CSGALNACT1: variants seen among roughly 807,000 people sequenced by gnomAD.
The protein encoded by CSGALNACT1 is chondroitin sulfate N-acetylgalactosaminyltransferase 1, also known as beta4GalNAcT-1.
Under a neutral mutation model 51.0 loss-of-function variants are expected in CSGALNACT1, and 52 were observed. The ratio of observed to expected loss-of-function variants is 1.02; its 90% CI spans 0.82 to 1.29. The LOEUF is 1.29. CSGALNACT1 is among the 50% of genes most tolerant of loss of function. The probability of loss-of-function intolerance (pLI) is 0.00; values close to 1 mark genes in which losing one functional copy is unlikely to be tolerated. For synonymous variants in CSGALNACT1, 341 were observed against 254.4 expected, an observed-to-expected ratio of 1.34 and a Z score of -3.24; for missense variants, 935 against 679.2, an observed-to-expected ratio of 1.38 and a Z score of -4.19.
At chr8:19,600,690 T>G (rs1163943304) in intron 2 of CSGALNACT1, among the ~76,000 whole-genome samples, 1 of 152,120 alleles carries the variant, frequency 6.6e-6, no homozygotes, top group Non-Finnish European at 1.5e-5. Context: ...TTTTTTCTAT[T>G]GTTAGTAACT....
chr8:19,668,078 A>G (rs1043738097), intron 1 of CSGALNACT1, among the ~76,000 whole-genome samples: 1 of 152,232 alleles, frequency 6.6e-6, no homozygotes, highest in African/African-American at 2.4e-5. Flanking sequence ...TTTTCCAGAG[A>G]GAGAAATACA....
At chr8:19,751,518 C>T (rs11204068) in intron 1 of CSGALNACT1, among the ~76,000 whole-genome samples, 35,988 of 151,972 alleles carry the variant, frequency 0.24, 4,488 homozygotes, top group African/African-American at 0.3. Context: ...CAGATTATTG[C>T]GACTACTAGA....
chr8:19,681,103 T>C (rs543503576), intron 1 of CSGALNACT1, among the ~76,000 whole-genome samples: 108 of 152,192 alleles, frequency 7.1e-4, no homozygotes, highest in African/African-American at 1.2e-3. Context: ...ACCAATCCCC[T>C]GAAGATATGA....
At chr8:19,491,085 GA>G (rs33960553) in intron 4 of CSGALNACT1, among the ~76,000 whole-genome samples, 89,651 of 146,820 alleles carry the variant, frequency 0.61, 26,964 homozygotes, top group East Asian at 0.83. Context: ...TACCACTCAG[GA>G]AAAAAAAAAA....
intron 4 of CSGALNACT1, among the ~76,000 whole-genome samples, chr8:19,492,044 G>A (rs1454524274): frequency 6.6e-6 from 1 of 152,164 alleles, no homozygotes; most frequent in African/African-American, 2.4e-5. Context: ...AACTTAAGTA[G>A]GTTCAGCCAT....
intron 3 of CSGALNACT1, among the ~76,000 whole-genome samples, chr8:19,510,223 T>C (rs1038995118): frequency 6.6e-6 from 1 of 152,178 alleles, no homozygotes. Flanking sequence ...TTGATTAGAA[T>C]GAAGGAGATA....
At chr8:19,508,178 G>T (rs956233538) in intron 3 of CSGALNACT1, among the ~76,000 whole-genome samples, 5 of 152,168 alleles carry the variant, frequency 3.3e-5, no homozygotes, top group Admixed American at 2.6e-4. Context: ...AGGACCCTTG[G>T]GAGAAAAGAG....
chr8:19,470,834 G>A (rs1469702545), intron 4 of CSGALNACT1, among the ~76,000 whole-genome samples: 1 of 152,136 alleles, frequency 6.6e-6, no homozygotes, highest in Non-Finnish European at 1.5e-5. Context: ...GGTGGTTCAC[G>A]CCTATAATCC....
intron 1 of CSGALNACT1, among the ~76,000 whole-genome samples, chr8:19,620,184 A>G (rs920086776): frequency 3.3e-5 from 5 of 151,840 alleles, no homozygotes; most frequent in African/African-American, 1.2e-4. Context: ...GAGTTGAGGT[A>G]CATGCCTGTA....
At chr8:19,596,183 C>A (rs2048857282) in intron 2 of CSGALNACT1, among the ~76,000 whole-genome samples, 1 of 152,166 alleles carries the variant, frequency 6.6e-6, no homozygotes, top group South Asian at 2.1e-4. Flanking sequence ...TTCAGTTCCT[C>A]AGGAAAGGTA....
chr8:19,691,476 G>T (rs1439379979), intron 1 of CSGALNACT1, among the ~76,000 whole-genome samples: 1 of 152,134 alleles, frequency 6.6e-6, no homozygotes, highest in African/African-American at 2.4e-5. Flanking sequence ...CATTAGAAAA[G>T]AACTTAAGAA....
chr8:19,586,133 C>T (rs936661463), intron 3 of CSGALNACT1, among the ~76,000 whole-genome samples: 3 of 152,008 alleles, frequency 2.0e-5, no homozygotes, highest in African/African-American at 7.2e-5. Flanking sequence ...GAGGGCAAGG[C>T]GGGCAGATCA....
chr8:19,703,518 T>C (rs1452000267), intron 1 of CSGALNACT1, among the ~76,000 whole-genome samples: 2 of 152,176 alleles, frequency 1.3e-5, no homozygotes, highest in Non-Finnish European at 2.9e-5. Context: ...TTAGCCAGGA[T>C]GGTCTTGATC....
At chr8:19,630,175 C>T (rs2055023630) in intron 1 of CSGALNACT1, among the ~76,000 whole-genome samples, 2 of 147,580 alleles carry the variant, frequency 1.4e-5, no homozygotes, top group Non-Finnish European at 3.0e-5. Flanking sequence ...GAAGATTAGC[C>T]ATCCAAGTTC....
chr8:19,593,981 A>G (rs1167869224), intron 2 of CSGALNACT1, among the ~76,000 whole-genome samples: 1 of 152,214 alleles, frequency 6.6e-6, no homozygotes, highest in African/African-American at 2.4e-5. Context: ...TGGAGACAGA[A>G]TATCAGAACT....
At chr8:19,469,282 T>C (rs1265266664) in intron 4 of CSGALNACT1, among the ~76,000 whole-genome samples, 1 of 152,130 alleles carries the variant, frequency 6.6e-6, no homozygotes, top group Non-Finnish European at 1.5e-5. Flanking sequence ...TCCCAGCTAC[T>C]TAGGCGGTGC....
At chr8:19,498,967 T>C (rs1022790454) in intron 4 of CSGALNACT1, among the ~76,000 whole-genome samples, 2 of 151,956 alleles carry the variant, frequency 1.3e-5, no homozygotes, top group African/African-American at 4.8e-5. Flanking sequence ...GTTTAAAAAA[T>C]TGGCTGGACA....
chr8:19,466,363 A>C (rs2066675270), intron 4 of CSGALNACT1, among the ~76,000 whole-genome samples: 1 of 152,196 alleles, frequency 6.6e-6, no homozygotes, highest in African/African-American at 2.4e-5. Flanking sequence ...GATAAAGAAA[A>C]AACACTTCAG....
At chr8:19,484,853 T>C (rs1316579140) in intron 4 of CSGALNACT1, among the ~76,000 whole-genome samples, 1 of 152,114 alleles carries the variant, frequency 6.6e-6, no homozygotes, top group African/African-American at 2.4e-5. Context: ...AGGAGGACAT[T>C]TGGACACACA....
Sources: allele counts gnomAD v4.1 joint callset (sites outside exome capture counted in the v4.1 genomes callset), GRCh38; gene constraint gnomAD v4.1.1; transcripts MANE v1.5; gene names NCBI Gene and HGNC (gene_info 2026-07-23, HGNC 2026-07-21).